Variants in NLRP1 observed in about 807,000 individuals in gnomAD.
NLRP1 encodes the protein NACHT, LRR and PYD domains-containing protein 1.
A neutral mutation model predicts 136.7 loss-of-function variants in NLRP1; 94 were observed. The observed-to-expected ratio is 0.69, with a 90% confidence interval of 0.58 to 0.82. The LOEUF (loss-of-function observed/expected upper bound fraction) is 0.82, where lower values mean the gene tolerates loss of function less well. Ranked by LOEUF, NLRP1 falls within the 40% of genes least tolerant of loss-of-function variation. NLRP1 has a pLI of 0.00. For synonymous variants in NLRP1, 690 were observed against 725.1 expected (o/e 0.95, Z 0.78); for missense variants, 1,575 against 1,802.7 (o/e 0.87, Z 2.29).
rs1232758223 is a variant in NLRP1 at position 5,559,951 on chromosome 17, G to A, written c.745C>T (p.Gln249Ter). Residue 249 changes from glutamine to a stop codon, truncating the protein, a stop_gained, in exon 4 of 17, where the codon CAG becomes TAG. Transcript: ENST00000572272. LOFTEE classifies it high-confidence loss of function. ...GTPPQAHTSL[Q>*]PHHHPWEPSV... is the part of the protein sequence containing the mutation. ...GGCTCCCATGGGTGGTGGTGGGGCT[G>A]TAGGCTGGTGTGCGCCTGTGGGGGC... 1 of 1,614,236 alleles carries A rather than the reference G, an allele frequency of 6.2e-7. No homozygotes were observed. Among genetic ancestry groups the A allele is most frequent in the Non-Finnish European group, 8.5e-7 (1 of 1,180,034 alleles).
In NLRP1 at chr17:5,582,798, G is replaced by A. The variant is rs200126507; in HGVS notation, c.320C>T (p.Ser107Phe). The A allele has an allele frequency of 4.4e-5, 71 of 1,613,790 alleles. No homozygotes were observed. The highest frequency in any genetic ancestry group is 5.7e-5 in the Non-Finnish European group (67 of 1,179,876). Residue 107 changes from serine to phenylalanine, a missense_variant, in exon 2 of 17, where the codon TCT (serine) becomes TTT (phenylalanine). Physicochemically the swap from Ser to Phe is radical, Grantham distance 155. Coordinates refer to ENST00000572272, the MANE Select transcript of NLRP1 (RefSeq NM_033004.4). The stretch of plus-strand genomic sequence containing the variant: ...TGCGGTGGAGGTGGGTTGGCTGGGA[G>A]ACCCCAGGTGGGGTTCACTTGGGCT... Reference protein sequence around the residue: ...PYSPSEPHLGSPSQPTSTAVL... With the variant: ...PYSPSEPHLGFPSQPTSTAVL...
intron 4 of NLRP1, among the ~76,000 whole-genome samples, chr17:5,557,768 A>G (rs909113113): frequency 6.6e-6 from 1 of 152,262 alleles, no homozygotes; most frequent in African/African-American, 2.4e-5. Context: ...ACAGCCAGAG[A>G]GTGGGTTTCA....
downstream of NLRP1, chr17:5,512,172 T>C: frequency 9.2e-7 from 1 of 1,084,606 alleles, no homozygotes; most frequent in Non-Finnish European, 1.4e-6. Context: ...AATTCTCACT[T>C]TCAGGGCAAT....
intron 3 of NLRP1, among the ~76,000 whole-genome samples, chr17:5,581,096 G>A (rs947410437): frequency 1.3e-5 from 2 of 152,184 alleles, no homozygotes; most frequent in Admixed American, 6.5e-5. Flanking sequence ...CTTGCTGGGT[G>A]CAGAAGAAAT....
At chr17:5,531,177 T>A (rs1188872836) in intron 11 of NLRP1, among the ~76,000 whole-genome samples, 35 of 56,988 alleles carry the variant, frequency 6.1e-4, no homozygotes, top group African/African-American at 1.7e-3. Flanking sequence ...CTATCTAATC[T>A]ATCTATCTAT....
At chr17:5,543,283 G>A (rs1912115936) in intron 5 of NLRP1, among the ~76,000 whole-genome samples, 1 of 152,194 alleles carries the variant, frequency 6.6e-6, no homozygotes, top group African/African-American at 2.4e-5. Context: ...GATTGCCAAG[G>A]CAGGGTGGAA....
intron 3 of NLRP1, among the ~76,000 whole-genome samples, chr17:5,574,598 C>T (rs181422586): frequency 0.01 from 1,561 of 151,692 alleles, 16 homozygotes; most frequent in Middle Eastern, 0.028. Flanking sequence ...ATCAGACTAA[C>T]AGTGGATCTC....
At chr17:5,506,284 C>CAAAAAAAAAAAAAAAAAACAAAAAA (rs201536042) in intron 15 of NLRP1, among the ~76,000 whole-genome samples, 1 of 127,154 alleles carries the variant, frequency 7.9e-6, no homozygotes. Context: ...AAGTCTGTCT[C>CAAAAAAAAAAAAAAAAAACAAAAAA]AAAAAAAAAA....
intron 11 of NLRP1, among the ~76,000 whole-genome samples, chr17:5,531,156 ATCT>A (rs1200041801): frequency 7.8e-6 from 1 of 128,050 alleles, no homozygotes; most frequent in Non-Finnish European, 1.7e-5. Context: ...CTATCTATCT[ATCT>A]ATCTAATCTA....
In NLRP1 at chr17:5,517,832, T is replaced by G; in HGVS notation, c.3971A>C (p.Tyr1324Ser). The G allele has an allele frequency of 6.2e-7, 1 of 1,614,214 alleles. No individual in the cohort carries two copies. The highest frequency in any genetic ancestry group is 8.5e-7 in the Non-Finnish European group (1 of 1,180,028). The stretch of plus-strand genomic sequence containing the variant: ...GATCCCTGATCCCAAGTGGCCAACG[T>G]AGAACTCCGAGAACAGCTGGTCTTC... Reference protein sequence around the residue: ...PGEDQLFSEFYVGHLGSGIRL... With the variant: ...PGEDQLFSEFSVGHLGSGIRL... Residue 1324 changes from tyrosine to serine, a missense_variant, in exon 15 of 17, where the codon TAC becomes TCC. Coordinates refer to ENST00000572272, the MANE Select transcript of NLRP1 (RefSeq NM_033004.4).
chr17:5,559,717 G>A lies in NLRP1; in HGVS notation c.979C>T (p.Pro327Ser). 2 of 1,614,244 alleles carry A rather than the reference G, an allele frequency of 1.2e-6. No individual in the cohort carries two copies. Among genetic ancestry groups the A allele is most frequent in the African/African-American group, 1.3e-5 (1 of 75,064 alleles). The stretch of plus-strand genomic sequence containing the variant: ...GCCCCCTGCAGTATGACTATGCGAG[G>A]TTCTTGGGTATCCAGGCCTGGGCCA... Reference protein sequence around the residue: ...LFGPGLDTQEPRIVILQGAAG... With the variant: ...LFGPGLDTQESRIVILQGAAG... The change falls in exon 4 of 17, where the codon CCT becomes TCT. Residue 327 changes from proline to serine, a missense_variant. Physicochemically the swap from Pro to Ser is moderately conservative, Grantham distance 74 (BLOSUM62 -1). Transcript: ENST00000572272.
chr17:5,574,705 A>G (rs1904831040), intron 3 of NLRP1, among the ~76,000 whole-genome samples: 1 of 142,678 alleles, frequency 7.0e-6, no homozygotes, highest in Middle Eastern at 3.9e-3. Context: ...TCTGTCACCC[A>G]GGCTGGAGTG....
At chr17:5,577,632 A>G (rs950889312) in intron 3 of NLRP1, among the ~76,000 whole-genome samples, 60 of 152,366 alleles carry the variant, frequency 3.9e-4, no homozygotes, top group African/African-American at 8.9e-4. Context: ...ATGGAAGAAC[A>G]TTCCATGCTC....
At chr17:5,515,546 C>T (rs1156622792) in intron 15 of NLRP1, 29 bp from the exon 16 acceptor site, 1 of 1,577,152 alleles carries the variant, frequency 6.3e-7, no homozygotes, top group African/African-American at 1.3e-5. Flanking sequence ...GAAGATGCAT[C>T]TGAAACAGTG....
At chr17:5,579,129 G>T (rs1236713166) in intron 3 of NLRP1, among the ~76,000 whole-genome samples, 1 of 152,010 alleles carries the variant, frequency 6.6e-6, no homozygotes, top group Non-Finnish European at 1.5e-5. Flanking sequence ...GAGGAGGGGG[G>T]AGGGATAGCA....
intron 12 of NLRP1, among the ~76,000 whole-genome samples, chr17:5,523,499 G>T (rs572883301): frequency 7.9e-5 from 12 of 152,230 alleles, no homozygotes; most frequent in Admixed American, 2.0e-4. Flanking sequence ...ATAACCTTTT[G>T]CTAAGTCTAT....
chr17:5,535,077 G>A (rs79730207), intron 8 of NLRP1, among the ~76,000 whole-genome samples: 8,511 of 152,210 alleles, frequency 0.056, 277 homozygotes, highest in Middle Eastern at 0.092. Flanking sequence ...AAAATTAGCT[G>A]GGTGTGGTGG....
chr17:5,521,095 T>C, intron 13 of NLRP1, 83 bp from the exon 14 acceptor site: 3 of 1,390,076 alleles, frequency 2.2e-6, no homozygotes, highest in Non-Finnish European at 2.9e-6. Flanking sequence ...TGCATCTGTG[T>C]GTTTGTGTGG....
At chr17:5,576,652 C>T (rs11867278) in intron 3 of NLRP1, among the ~76,000 whole-genome samples, 8,230 of 150,290 alleles carry the variant, frequency 0.055, 451 homozygotes, top group African/African-American at 0.14. Context: ...CCAATCCAGA[C>T]GGATTCACAG....
Sources: allele counts gnomAD v4.1 joint callset (sites outside exome capture counted in the v4.1 genomes callset), GRCh38; gene constraint gnomAD v4.1.1; transcripts MANE v1.5; gene names NCBI Gene and HGNC (gene_info 2026-07-23, HGNC 2026-07-21).